JAK2: variants seen among roughly 807,000 people sequenced by gnomAD.
JAK2 encodes the protein tyrosine-protein kinase JAK2.
JAK2 carries 86 observed loss-of-function variants against 139.3 expected under a neutral mutation model. That is an observed-to-expected ratio of 0.62 (90% CI 0.52 to 0.74). The LOEUF is 0.74. Among genes scored for constraint, JAK2 ranks in the 30% least tolerant of loss-of-function variants. JAK2 has a pLI of 0.00. For synonymous variants in JAK2, 490 were observed against 437.7 expected (o/e 1.12, Z -1.49); for missense variants, 1,421 against 1,360.3 (o/e 1.04, Z -0.70).
chr9:5,016,104 T>C (rs538563108), intron 2 of JAK2, among the ~76,000 whole-genome samples: 1 of 152,212 alleles, frequency 6.6e-6, no homozygotes, highest in South Asian at 2.1e-4. Flanking sequence ...AGCCGTCGCT[T>C]CCCTCCAAAT....
intron 22 of JAK2, among the ~76,000 whole-genome samples, chr9:5,116,142 A>C (rs990017252): frequency 9.9e-5 from 15 of 152,194 alleles, no homozygotes; most frequent in African/African-American, 3.6e-4. Context: ...TTTAATCCTC[A>C]TAACAACCCT....
At chr9:5,082,535 G>A (rs1819777545) in intron 19 of JAK2, among the ~76,000 whole-genome samples, 1 of 152,252 alleles carries the variant, frequency 6.6e-6, no homozygotes, top group Admixed American at 6.5e-5. Context: ...GGGGCAGGCA[G>A]GAGACAGTGG....
At chr9:5,031,027 TTAA>T (rs1823112532) in intron 4 of JAK2, among the ~76,000 whole-genome samples, 1 of 152,076 alleles carries the variant, frequency 6.6e-6, no homozygotes, top group African/African-American at 2.4e-5. Flanking sequence ...AGGAATGGTC[TTAA>T]TAAGAAAAAA....
At chr9:5,041,431 C>T in intron 4 of JAK2, 1 of 626,788 alleles carries the variant, frequency 1.6e-6, no homozygotes, top group Non-Finnish European at 3.0e-6. Context: ...TGTTCATGTA[C>T]TTCCTGTGCA....
chr9:5,012,268 TG>T (rs1179875119), intron 2 of JAK2, among the ~76,000 whole-genome samples: 4 of 152,220 alleles, frequency 2.6e-5, no homozygotes, highest in African/African-American at 9.6e-5. Flanking sequence ...AGAGTAAGTA[TG>T]GGCCTCATTC....
rs2130491246 is a variant in JAK2 at position 5,064,877 on chromosome 9, G to T, written c.1057-6G>T. On this transcript the variant is annotated splice_polypyrimidine_tract_variant and splice_region_variant and intron_variant, in intron 8 of 24. Transcript: ENST00000381652. ...GGTGCTATTTCTTTTTCTTTTCTCTGCTTAGGAAATTGAACTTAGCTCATT... is the reference window on the plus strand; with the variant it reads ...GGTGCTATTTCTTTTTCTTTTCTCTTCTTAGGAAATTGAACTTAGCTCATT... The T allele has an allele frequency of 6.5e-7, 1 of 1,550,084 alleles. No homozygotes were observed. The highest frequency in any genetic ancestry group is 8.7e-7 in the Non-Finnish European group (1 of 1,148,136).
chr9:5,028,037 C>A (rs1033914404), intron 3 of JAK2, among the ~76,000 whole-genome samples: 4 of 152,268 alleles, frequency 2.6e-5, no homozygotes, highest in Admixed American at 6.5e-5. Flanking sequence ...TTTTTCATGA[C>A]GTCTAGAATG....
chr9:5,077,045 T>C (rs937361803), intron 14 of JAK2, among the ~76,000 whole-genome samples: 3 of 152,008 alleles, frequency 2.0e-5, no homozygotes, highest in African/African-American at 7.2e-5. Flanking sequence ...TTTATGTCTA[T>C]AGTACTATAG....
chr9:5,100,907 A>AT (rs1821429887), intron 22 of JAK2: 1 of 152,234 alleles, frequency 6.6e-6, no homozygotes, highest in Non-Finnish European at 1.5e-5. Flanking sequence ...CAATTAAAAT[A>AT]TCACTTTACA....
At chr9:5,111,719 C>T (rs1822566404) in intron 22 of JAK2, 2 of 433,442 alleles carry the variant, frequency 4.6e-6, no homozygotes, top group Admixed American at 5.1e-5. Flanking sequence ...CCTGCACCAG[C>T]ACGAGCGCGT....
At chr9:5,009,446 T>G (rs1368175223) in intron 2 of JAK2, among the ~76,000 whole-genome samples, 5 of 152,118 alleles carry the variant, frequency 3.3e-5, no homozygotes, top group African/African-American at 1.2e-4. Context: ...ATTTTTTTTT[T>G]TAATTTTGTA....
chr9:4,988,779 A>C (rs1820099217), intron 2 of JAK2, among the ~76,000 whole-genome samples: 1 of 151,954 alleles, frequency 6.6e-6, no homozygotes, highest in South Asian at 2.1e-4. Context: ...CATCTCCTTA[A>C]ACTCCGAATG....
At chr9:5,045,480 A>G (rs1423478094) in intron 5 of JAK2, among the ~76,000 whole-genome samples, 1 of 152,234 alleles carries the variant, frequency 6.6e-6, no homozygotes, top group African/African-American at 2.4e-5. Flanking sequence ...AAGTACAAAT[A>G]CATTGCTGTA....
intron 22 of JAK2, chr9:5,111,224 G>C: frequency 5.1e-6 from 3 of 583,858 alleles, no homozygotes; most frequent in Non-Finnish European, 9.6e-6. Flanking sequence ...AGCAGCTAGC[G>C]CGGGCCTATT....
intron 22 of JAK2, chr9:5,110,662 C>A (rs548530872): frequency 2.1e-5 from 5 of 240,914 alleles, no homozygotes; most frequent in Admixed American, 5.2e-5. Context: ...ACCACAAATA[C>A]TGTCATATAC....
chr9:5,068,939 C>T (rs2130521184), intron 10 of JAK2, 83 bp from the exon 11 acceptor site: 2 of 761,586 alleles, frequency 2.6e-6, no homozygotes, highest in East Asian at 5.4e-5. Context: ...GTTGCTTGTT[C>T]TTGTGATATC....
intron 22 of JAK2, chr9:5,111,030 G>A (rs1822461114): frequency 4.6e-6 from 4 of 868,782 alleles, no homozygotes; most frequent in South Asian, 2.8e-5. Flanking sequence ...CCGCCTCCCT[G>A]GCCGGGGCGC....
intron 8 of JAK2, among the ~76,000 whole-genome samples, chr9:5,058,293 C>T (rs113761279): frequency 1.1e-3 from 170 of 152,256 alleles, no homozygotes; most frequent in African/African-American, 3.8e-3. Flanking sequence ...ACTCGCAGTT[C>T]GGCATGGCTG....
Position 5,052,918 on chromosome 9 carries a change from C to T in JAK2, c.615-1645C>T, listed in dbSNP as rs561129783. Among the ~76,000 whole-genome samples the T allele has an allele frequency of 2.0e-5, 3 of 152,150 alleles. No individual in the cohort carries two copies. In the South Asian group the frequency reaches 6.2e-4, roughly 32 times the overall value. ...CACTTGATGAAAATGTGGGCTGCTT[C>T]CATGTTTTGGCTATTGTGACTAATG... On this transcript the variant is annotated intron_variant, in intron 6 of 24. Transcript: ENST00000381652.
Sources: gnomAD v4.1 joint callset for allele counts (sites outside exome capture counted in the v4.1 genomes callset) on GRCh38, gnomAD v4.1.1 for gene constraint, MANE v1.5 for transcripts, NCBI Gene and HGNC (gene_info 2026-07-23, HGNC 2026-07-21) for gene names.